The following CACNA1C variants were observed in gnomAD, a reference collection of about 807,000 sequenced individuals.
The protein encoded by CACNA1C is voltage-dependent L-type calcium channel subunit alpha-1C.
A neutral mutation model predicts 229.0 loss-of-function variants in CACNA1C; 30 were observed. The observed-to-expected ratio is 0.13, with a 90% confidence interval of 0.10 to 0.18. The LOEUF is 0.18. Among genes scored for constraint, CACNA1C ranks in the 10% least tolerant of loss-of-function variants. The pLI is 1.00. For missense variants in CACNA1C, 1,658 were observed against 2,845.0 expected (o/e 0.58, Z 9.49); for synonymous variants, 1,114 against 1,132.5 (o/e 0.98, Z 0.33).
At chr12:2,565,311 C>T (rs926722352) in intron 11 of CACNA1C, among the ~76,000 whole-genome samples, 1 of 151,444 alleles carries the variant, frequency 6.6e-6, no homozygotes, top group Non-Finnish European at 1.5e-5. Flanking sequence ...ACTAAAAATA[C>T]AAAAAATTAG....
Position 2,677,320 on chromosome 12 carries a change from A to G in CACNA1C, c.4956+99A>G. On this transcript the variant is annotated intron_variant, in intron 40 of 46. Coordinates refer to ENST00000399655, the MANE Select transcript of CACNA1C (RefSeq NM_000719.7). The surrounding 1 kb of genome is among the most constrained non-coding windows in gnomAD (Gnocchi z 7.4). ...GTCCCTCCCCAGCAGGCTGGAGGCCAGGTCCCTGCAGAGGGAACCTTTCAG... is the reference window on the plus strand; with the variant it reads ...GTCCCTCCCCAGCAGGCTGGAGGCCGGGTCCCTGCAGAGGGAACCTTTCAG... The G allele has an allele frequency of 7.4e-7, 1 of 1,350,878 alleles. No individual in the cohort carries two copies. Among genetic ancestry groups the G allele is most frequent in the Non-Finnish European group, 1.0e-6 (1 of 990,872 alleles). 83.7% of individuals were successfully genotyped at this position (1,350,878 alleles called of 1,614,324 possible). A position where few individuals can be genotyped will look rare whatever the true frequency, so the allele number is the denominator to read the frequency against.
chr12:2,411,364 G>C (rs779960830), intron 3 of CACNA1C, among the ~76,000 whole-genome samples: 5 of 152,148 alleles, frequency 3.3e-5, no homozygotes, highest in Admixed American at 2.6e-4. Context: ...TGAAAGACCT[G>C]TTAGAATTAG....
At chr12:2,390,234 C>G (rs1205050367) in intron 3 of CACNA1C, among the ~76,000 whole-genome samples, 1 of 152,060 alleles carries the variant, frequency 6.6e-6, no homozygotes, top group African/African-American at 2.4e-5. Flanking sequence ...GGGCCCTGAC[C>G]AAACAGGACT....
rs1449572075 is a variant in CACNA1C at position 2,597,008 on chromosome 12, G to A, written c.2794-222G>A. 1.3e-5 allele frequency among the ~76,000 whole-genome samples: 2 copies of A among 152,112 alleles called. No individual in the cohort carries two copies. The highest frequency in any genetic ancestry group is 1.5e-5 in the Non-Finnish European group (1 of 68,020). On this transcript the variant is annotated intron_variant, in intron 20 of 46. Coordinates refer to ENST00000399655, the MANE Select transcript of CACNA1C (RefSeq NM_000719.7). This position sits in a 1 kb window ranked among gnomAD's most constrained non-coding sequence, Gnocchi z 4.3. ...CACCTCACTTATCTGGGGGCTTCAA[G>A]GGAAGCCGCTGTGCTGCCTGAGGCT... is the stretch of plus-strand genomic sequence containing the variant.
At chr12:2,318,665 C>T (rs764782279) in intron 3 of CACNA1C, among the ~76,000 whole-genome samples, 7 of 152,154 alleles carry the variant, frequency 4.6e-5, no homozygotes, top group African/African-American at 7.2e-5. Flanking sequence ...GTTTACAGAT[C>T]ACCAGACAGG....
chr12:1,997,712 C>T (rs949708483), intron 1 of CACNA1C, among the ~76,000 whole-genome samples: 1 of 152,198 alleles, frequency 6.6e-6, no homozygotes, highest in Non-Finnish European at 1.5e-5. Context: ...AGTTCATCTA[C>T]ATTGAAGTTT....
intron 18 of CACNA1C, among the ~76,000 whole-genome samples, 191 bp from the exon 19 acceptor site, chr12:2,593,022 A>G (rs937688753): frequency 6.6e-6 from 1 of 152,166 alleles, no homozygotes; most frequent in Non-Finnish European, 1.5e-5. Context: ...CTTATTGTGC[A>G]CTGCCAGATA....
intron 1 of CACNA1C, among the ~76,000 whole-genome samples, chr12:2,098,969 G>A (rs1017920435): frequency 3.3e-5 from 5 of 152,200 alleles, no homozygotes; most frequent in African/African-American, 4.8e-5. Flanking sequence ...ACTGCTCACC[G>A]TGTGAGGGGC....
At position 2,518,825 on chromosome 12, in the gene CACNA1C, AG is replaced by A. The variant is rs1268062962; in HGVS notation, c.1390+5842del. Among the ~76,000 whole-genome samples the A allele has an allele frequency of 2.6e-5, 4 of 152,332 alleles. No homozygotes were observed. In the East Asian group the frequency reaches 7.7e-4, roughly 29 times the overall value. On this transcript the variant is annotated intron_variant, in intron 9 of 46. Coordinates refer to ENST00000399655, the MANE Select transcript of CACNA1C (RefSeq NM_000719.7). ...TGCTGCCAGGCCATGAAGTGAGAGC[AG>A]ATCCTTAAGGCAGAGCCTGGAAGTA... is the stretch of plus-strand genomic sequence containing the variant.
At chr12:2,372,012 T>C (rs1441814036) in intron 3 of CACNA1C, among the ~76,000 whole-genome samples, 1 of 152,224 alleles carries the variant, frequency 6.6e-6, no homozygotes, top group Admixed American at 6.5e-5. Flanking sequence ...GACTTCAGAA[T>C]GGCCCATAAT....
intron 38 of CACNA1C, among the ~76,000 whole-genome samples, chr12:2,670,109 T>C (rs1201690760): frequency 1.3e-5 from 2 of 152,222 alleles, no homozygotes; most frequent in African/African-American, 4.8e-5. Context: ...GACCTGCTGA[T>C]GCCAAATCCC....
At chr12:2,004,626 A>G (rs2043031761) in intron 1 of CACNA1C, 2 of 749,336 alleles carry the variant, frequency 2.7e-6, no homozygotes, top group East Asian at 5.7e-5. Flanking sequence ...CGCCCCGCCC[A>G]CTGAGGATCG....
At chr12:2,334,888 T>C (rs2096645601) in intron 3 of CACNA1C, among the ~76,000 whole-genome samples, 1 of 152,198 alleles carries the variant, frequency 6.6e-6, no homozygotes, top group South Asian at 2.1e-4. Flanking sequence ...CATTGTGTGT[T>C]CAAGAAAGAT....
At chr12:2,648,111 C>G (rs1283120821) in intron 30 of CACNA1C, among the ~76,000 whole-genome samples, 2 of 152,184 alleles carry the variant, frequency 1.3e-5, no homozygotes, top group Non-Finnish European at 2.9e-5. Context: ...GCACTCCAGC[C>G]TGGGCAACAG....
intron 13 of CACNA1C, among the ~76,000 whole-genome samples, chr12:2,571,771 C>T (rs1312381299): frequency 1.3e-5 from 2 of 152,164 alleles, no homozygotes; most frequent in South Asian, 2.1e-4. Context: ...TGGGGGCTTT[C>T]GGAAAGCAAC....
At chr12:2,581,337 G>A (rs1219391200) in intron 13 of CACNA1C, among the ~76,000 whole-genome samples, 1 of 152,150 alleles carries the variant, frequency 6.6e-6, no homozygotes, top group East Asian at 1.9e-4. Flanking sequence ...CAGGTAGCCG[G>A]CAGAGCTAGG....
At chr12:2,036,601 G>A (rs2049186944) in intron 1 of CACNA1C, among the ~76,000 whole-genome samples, 2 of 152,058 alleles carry the variant, frequency 1.3e-5, no homozygotes, top group Middle Eastern at 3.2e-3. Flanking sequence ...CAGTAGCTGC[G>A]ATTACAGGCA....
intron 30 of CACNA1C, among the ~76,000 whole-genome samples, chr12:2,642,991 A>G (rs901212746): frequency 3.9e-5 from 6 of 152,242 alleles, no homozygotes; most frequent in Admixed American, 3.3e-4. Flanking sequence ...CACTGCAGCC[A>G]GTAGCACAGG....
At chr12:2,662,857 C>T (rs888418356) in intron 34 of CACNA1C, among the ~76,000 whole-genome samples, 23 of 152,100 alleles carry the variant, frequency 1.5e-4, no homozygotes, top group African/African-American at 4.6e-4. Context: ...ATACAACTTA[C>T]GGCAGAAGAA....
Sources: gnomAD v4.1 joint callset for allele counts (sites outside exome capture counted in the v4.1 genomes callset) on GRCh38, gnomAD v4.1.1 for gene constraint, Gnocchi (gnomAD v3.1) non-coding constraint, MANE v1.5 for transcripts, NCBI Gene and HGNC (gene_info 2026-07-23, HGNC 2026-07-21) for gene names.